Variants in SLC35F3 observed in about 807,000 individuals in gnomAD.
SLC35F3 encodes the protein putative thiamine transporter SLC35F3.
A neutral mutation model predicts 49.9 loss-of-function variants in SLC35F3; 25 were observed. The ratio of observed to expected loss-of-function variants is 0.50; its 90% confidence interval spans 0.37 to 0.70. The LOEUF (loss-of-function observed/expected upper bound fraction) is 0.70. Ranked by LOEUF, SLC35F3 falls within the 30% of genes least tolerant of loss-of-function variation. The probability of loss-of-function intolerance (pLI) is 0.00; values close to 1 mark genes in which losing one functional copy is unlikely to be tolerated. For missense variants in SLC35F3, 525 were observed against 639.8 expected (o/e 0.82, Z 1.94); for synonymous variants, 275 against 265.4 (o/e 1.04, Z -0.35).
intron 2 of SLC35F3, among the ~76,000 whole-genome samples, chr1:234,024,724 A>C (rs1663951837): frequency 6.6e-6 from 1 of 152,150 alleles, no homozygotes; most frequent in Non-Finnish European, 1.5e-5. Context: ...TCAGTGGATT[A>C]TTTCCTTCAT....
rs558611585 is a variant in SLC35F3, at chr1:233,981,644, A to G, written c.283+75886A>G. Among the ~76,000 whole-genome samples the G allele has an allele frequency of 3.3e-5, 5 of 151,636 alleles. No homozygotes were observed. The South Asian group carries it at 8.3e-4, about 25-fold the overall frequency. ...CATTCATGTACAGGTCTTTGTGTGGACAGAATTCCACTTTTCTCTGGAAAA... is the reference window on the plus strand; with the variant it reads ...CATTCATGTACAGGTCTTTGTGTGGGCAGAATTCCACTTTTCTCTGGAAAA... On this transcript the variant is annotated intron_variant, in intron 2 of 7. Transcript: ENST00000366618.
chr1:234,196,175 T>C (rs1329044403), intron 2 of SLC35F3, among the ~76,000 whole-genome samples: 5 of 152,222 alleles, frequency 3.3e-5, no homozygotes, highest in African/African-American at 1.2e-4. Flanking sequence ...AATTTACCAT[T>C]GCCATGGCAA....
chr1:234,278,993 C>A (rs1024571068), intron 3 of SLC35F3, among the ~76,000 whole-genome samples: 1 of 152,120 alleles, frequency 6.6e-6, no homozygotes, highest in Non-Finnish European at 1.5e-5. Context: ...GAAGGATGTG[C>A]GCTCCTGACA....
chr1:234,269,867 A>G (rs1668070050), intron 3 of SLC35F3, among the ~76,000 whole-genome samples: 1 of 152,080 alleles, frequency 6.6e-6, no homozygotes. Flanking sequence ...TGATCTCTGC[A>G]CACACTGGCT....
At chr1:234,235,922 A>G (rs1425409842) in intron 3 of SLC35F3, among the ~76,000 whole-genome samples, 1 of 152,192 alleles carries the variant, frequency 6.6e-6, no homozygotes, top group Non-Finnish European at 1.5e-5. Context: ...TTTAAAATCT[A>G]AAGAGCAGAG....
At position 234,321,224 on chromosome 1, in the gene SLC35F3, C is replaced by T. The variant is rs943657983; in HGVS notation, c.1237+1037C>T. ...CTCCCCCAGAAGGACTGCCTCACAGCGGCGGCAGTGTACCAGGCCTGGGGG... is the reference window on the plus strand; with the variant it reads ...CTCCCCCAGAAGGACTGCCTCACAGTGGCGGCAGTGTACCAGGCCTGGGGG... On this transcript the variant is annotated intron_variant, in intron 7 of 7. Transcript: ENST00000366618. Among the ~76,000 whole-genome samples the T allele has an allele frequency of 1.1e-4, 17 of 151,516 alleles. No individual in the cohort carries two copies. In the East Asian group the frequency reaches 3.3e-3, roughly 29 times the overall value.
intron 2 of SLC35F3, among the ~76,000 whole-genome samples, chr1:234,062,844 ATTTTTTT>A (rs71170448): frequency 0.021 from 2,732 of 132,508 alleles, 95 homozygotes; most frequent in African/African-American, 0.073. Flanking sequence ...CGCCTGGCTA[ATTTTTTT>A]TTTTTTTTTT....
In SLC35F3 at chr1:234,066,632, T is replaced by C. The variant is rs149693462; in HGVS notation, c.283+160874T>C. ...CCCACTACCTTCTCCTTCCCAAAGA[T>C]AAAAAGGGTTGCCCCTGCCCTACTT... On this transcript the variant is annotated intron_variant, in intron 2 of 7. Coordinates refer to ENST00000366618, the MANE Select transcript of SLC35F3 (RefSeq NM_173508.4). 7.8e-3 allele frequency among the ~76,000 whole-genome samples: 1,188 copies of C among 152,170 alleles called. 3 individuals carry two copies. Among genetic ancestry groups the C allele is most frequent in the Middle Eastern group, 0.044 (13 of 294 alleles).
chr1:234,315,471 G>C (rs1657467062), intron 4 of SLC35F3, among the ~76,000 whole-genome samples: 1 of 152,170 alleles, frequency 6.6e-6, no homozygotes, highest in Non-Finnish European at 1.5e-5. Flanking sequence ...AAATCTGACT[G>C]TGCTCTTCCA....
chr1:234,207,252 G>A (rs1666984162), intron 2 of SLC35F3, among the ~76,000 whole-genome samples: 1 of 151,648 alleles, frequency 6.6e-6, no homozygotes, highest in Admixed American at 6.6e-5. Context: ...GCAGAGGGGA[G>A]CCACCGTGGC....
chr1:234,277,067 A>C (rs1668224379), intron 3 of SLC35F3, among the ~76,000 whole-genome samples: 4 of 152,230 alleles, frequency 2.6e-5, no homozygotes, highest in Admixed American at 2.6e-4. Flanking sequence ...TTTAAGAGGA[A>C]AGGGGAAAGA....
At chr1:234,078,115 G>T (rs1253338204) in intron 2 of SLC35F3, among the ~76,000 whole-genome samples, 1 of 152,080 alleles carries the variant, frequency 6.6e-6, no homozygotes, top group Non-Finnish European at 1.5e-5. Context: ...AACAAGTCTT[G>T]TGGCCTCCTT....
At chr1:234,216,875 G>A (rs1667130558) in intron 2 of SLC35F3, among the ~76,000 whole-genome samples, 1 of 152,170 alleles carries the variant, frequency 6.6e-6, no homozygotes, top group Non-Finnish European at 1.5e-5. Context: ...ATACCTACAA[G>A]TATCCCATGC....
At chr1:233,907,551 C>G (rs943448474) in intron 2 of SLC35F3, among the ~76,000 whole-genome samples, 2 of 152,204 alleles carry the variant, frequency 1.3e-5, no homozygotes, top group Non-Finnish European at 2.9e-5. Flanking sequence ...ATTCCACTCT[C>G]TCTATTCCTG....
At position 234,317,027 on chromosome 1, in the gene SLC35F3, C is replaced by T. The variant is rs1657505539; in HGVS notation, c.954+300C>T. Among the ~76,000 whole-genome samples, 9 of 152,298 alleles carry T rather than the reference C, an allele frequency of 5.9e-5. No individual in the cohort carries two copies. The South Asian group carries it at 1.9e-3, about 32-fold the overall frequency. On this transcript the variant is annotated intron_variant, in intron 5 of 7. Coordinates refer to ENST00000366618, the MANE Select transcript of SLC35F3 (RefSeq NM_173508.4). ...CCCATCCGCACAGTCAGATTCCTGA[C>T]ATCATTGATGGCAGCGAACAAGTTC...
intron 2 of SLC35F3, among the ~76,000 whole-genome samples, chr1:233,956,671 A>T (rs1662710012): frequency 1.3e-5 from 2 of 152,204 alleles, no homozygotes; most frequent in Non-Finnish European, 1.5e-5. Context: ...TGAATGGCTG[A>T]TGAAGTGTAC....
intron 2 of SLC35F3, among the ~76,000 whole-genome samples, chr1:234,113,667 C>G (rs992063245): frequency 6.6e-6 from 1 of 152,082 alleles, no homozygotes; most frequent in East Asian, 1.9e-4. Context: ...AGTTCAAGAC[C>G]AGCCTGACCA....
chr1:233,955,878 CTTTTTTTTTTTTTT>C (rs869035917), intron 2 of SLC35F3, among the ~76,000 whole-genome samples: 1 of 48,104 alleles, frequency 2.1e-5, no homozygotes. Context: ...GTGTGGGTAT[CTTTTTTTTTTTTTT>C]TTTTTTTTTT....
intron 2 of SLC35F3, among the ~76,000 whole-genome samples, chr1:234,048,814 T>C (rs1366220979): frequency 6.6e-6 from 1 of 152,226 alleles, no homozygotes; most frequent in Non-Finnish European, 1.5e-5. Context: ...CAAAGAGGAT[T>C]GTTCCTGAGC....
Sources: allele counts gnomAD v4.1 joint callset (sites outside exome capture counted in the v4.1 genomes callset), GRCh38; gene constraint gnomAD v4.1.1; transcripts MANE v1.5; gene names NCBI Gene and HGNC (gene_info 2026-07-23, HGNC 2026-07-21).